The following CDH4 variants were observed in gnomAD, a reference collection of about 807,000 sequenced individuals.
CDH4 encodes the protein cadherin 4.
A neutral mutation model predicts 86.0 loss-of-function variants in CDH4; 33 were observed. The ratio of observed to expected loss-of-function variants is 0.38; its 90% CI spans 0.29 to 0.51. The LOEUF is 0.51. Ranked by LOEUF, CDH4 falls within the 20% of genes least tolerant of loss-of-function variation. The probability of loss-of-function intolerance (pLI) is 0.86; values close to 1 mark genes in which losing one functional copy is unlikely to be tolerated. For synonymous variants in CDH4, 555 were observed against 549.4 expected, an observed-to-expected ratio of 1.01 and a Z score of -0.14; for missense variants, 1,114 against 1,307.4, an observed-to-expected ratio of 0.85 and a Z score of 2.28.
intron 2 of CDH4, among the ~76,000 whole-genome samples, chr20:61,694,555 C>T (rs879306929): frequency 2.0e-5 from 3 of 152,162 alleles, no homozygotes; most frequent in Non-Finnish European, 2.9e-5. Context: ...GGAGGCTGTG[C>T]ACCTTGGGGA....
intron 9 of CDH4, among the ~76,000 whole-genome samples, chr20:61,922,289 G>A (rs749068362): frequency 6.6e-6 from 1 of 152,136 alleles, no homozygotes; most frequent in East Asian, 1.9e-4. Flanking sequence ...ACGTCTCAGG[G>A]CCCCAAGCTT....
At chr20:61,767,910 T>A (rs548831345) in intron 3 of CDH4, among the ~76,000 whole-genome samples, 1 of 152,180 alleles carries the variant, frequency 6.6e-6, no homozygotes, top group East Asian at 1.9e-4. Flanking sequence ...TCCTGCAGGC[T>A]GCAGCAGCTC....
chr20:61,900,112 G>C (rs886193206), intron 8 of CDH4, among the ~76,000 whole-genome samples: 5 of 152,180 alleles, frequency 3.3e-5, no homozygotes, highest in Non-Finnish European at 5.9e-5. Flanking sequence ...AGCCTCAGCG[G>C]GGGGGACTGG....
chr20:61,913,523 C>A (rs904893051), intron 9 of CDH4, among the ~76,000 whole-genome samples: 4 of 152,252 alleles, frequency 2.6e-5, no homozygotes, highest in Non-Finnish European at 5.9e-5. Context: ...CCCACGGAGC[C>A]CTCTTCTGTT....
In CDH4 at chr20:61,582,506, G is replaced by T. The variant is rs2086437114; in HGVS notation, c.170-161057G>T. On this transcript the variant is annotated intron_variant, in intron 2 of 15. Coordinates refer to ENST00000614565, the MANE Select transcript of CDH4 (RefSeq NM_001794.5). The surrounding 1 kb of genome is among the most constrained non-coding windows in gnomAD (Gnocchi z 4.2). Reference sequence around the variant, plus strand: ...CTGGAATGTTCCAACCTGGTTTCTGGGCACCAGCAGTTCCCTTTGGCCTGT... The same window carrying T: ...CTGGAATGTTCCAACCTGGTTTCTGTGCACCAGCAGTTCCCTTTGGCCTGT... Among the ~76,000 whole-genome samples the T allele has an allele frequency of 6.6e-6, 1 of 152,150 alleles. No homozygotes were observed. Among genetic ancestry groups the T allele is most frequent in the South Asian group, 2.1e-4 (1 of 4,818 alleles).
At chr20:61,368,256 A>G (rs1445791954) in intron 2 of CDH4, among the ~76,000 whole-genome samples, 1 of 152,118 alleles carries the variant, frequency 6.6e-6, no homozygotes, top group Non-Finnish European at 1.5e-5. Context: ...CTGTGCTCTG[A>G]GTGTTTTATG....
chr20:61,862,073 G>A (rs1266734194), intron 6 of CDH4, among the ~76,000 whole-genome samples: 2 of 152,166 alleles, frequency 1.3e-5, no homozygotes, highest in African/African-American at 2.4e-5. Flanking sequence ...CCAGGGCGCT[G>A]TCCCCCACGC....
chr20:61,734,196 G>A lies in CDH4; in HGVS notation c.170-9367G>A, dbSNP rs148861621. ...CTGCCGTGCACGCGTGAGACTGGGGGCTGGGGGGAGATGTGAAGTCACACA... is the reference window on the plus strand; with the variant it reads ...CTGCCGTGCACGCGTGAGACTGGGGACTGGGGGGAGATGTGAAGTCACACA... On this transcript the variant is annotated intron_variant, in intron 2 of 15. Transcript: ENST00000614565. Among the ~76,000 whole-genome samples the A allele has an allele frequency of 7.5e-3, 1,139 of 152,358 alleles. 16 individuals are homozygous for A. Among genetic ancestry groups the A allele is most frequent in the African/African-American group, 0.026 (1,088 of 41,584 alleles).
In CDH4 at chr20:61,326,730, C is replaced by A. The variant is rs556789443; in HGVS notation, c.169+71793C>A. 1.9e-4 allele frequency among the ~76,000 whole-genome samples: 29 copies of A among 152,252 alleles called. No individual in the cohort carries two copies. In the East Asian group the frequency reaches 4.4e-3, roughly 23 times the overall value. On this transcript the variant is annotated intron_variant, in intron 2 of 15. Coordinates refer to ENST00000614565, the MANE Select transcript of CDH4 (RefSeq NM_001794.5). The stretch of plus-strand genomic sequence containing the variant: ...TCCACAGGACACAGCCTCTCCCACA[C>A]CAGGTCACATCAATTGGTATCAAAA...
intron 4 of CDH4, among the ~76,000 whole-genome samples, chr20:61,799,727 C>T (rs1568822723): frequency 2.0e-5 from 3 of 152,208 alleles, no homozygotes; most frequent in Admixed American, 6.5e-5. Flanking sequence ...CCTTCAAGCC[C>T]CTCCCAGGGT....
At chr20:61,683,075 C>T (rs1401587654) in intron 2 of CDH4, among the ~76,000 whole-genome samples, 9 of 151,926 alleles carry the variant, frequency 5.9e-5, no homozygotes, top group African/African-American at 1.2e-4. Flanking sequence ...GTCACCATGC[C>T]GGGGCCTGGC....
chr20:61,309,954 G>T (rs1195020005), intron 2 of CDH4, among the ~76,000 whole-genome samples: 1 of 152,182 alleles, frequency 6.6e-6, no homozygotes, highest in Non-Finnish European at 1.5e-5. Flanking sequence ...AGCTAGGGTG[G>T]CCTCTCCATT....
chr20:61,290,821 G>A (rs915032578), intron 2 of CDH4, among the ~76,000 whole-genome samples: 2 of 152,286 alleles, frequency 1.3e-5, no homozygotes, highest in Admixed American at 1.3e-4. Context: ...ACAGAAAGGA[G>A]CCTTAATAAC....
intron 2 of CDH4, among the ~76,000 whole-genome samples, chr20:61,579,470 A>G (rs1471316422): frequency 1.3e-5 from 2 of 151,946 alleles, no homozygotes; most frequent in Non-Finnish European, 2.9e-5. Flanking sequence ...TATTTTTAGT[A>G]GAGGCAGGGT....
In CDH4 at chr20:61,438,713, A is replaced by G. The variant is rs1396054599; in HGVS notation, c.169+183776A>G. 4.6e-5 allele frequency among the ~76,000 whole-genome samples: 7 copies of G among 152,216 alleles called. No individual in the cohort carries two copies. In the East Asian group the frequency reaches 1.4e-3, roughly 29 times the overall value. On this transcript the variant is annotated intron_variant, in intron 2 of 15. Coordinates refer to ENST00000614565, the MANE Select transcript of CDH4 (RefSeq NM_001794.5). ...CATATTCTGTACTTCCAAAAAAAAT[A>G]TTGGTCAAAACTTTGCCATCCTGTG...
At chr20:61,401,824 C>G (rs2085051096) in intron 2 of CDH4, among the ~76,000 whole-genome samples, 1 of 152,186 alleles carries the variant, frequency 6.6e-6, no homozygotes, top group Non-Finnish European at 1.5e-5. Context: ...GAAGGGTCAG[C>G]CCTGCAGTCA....
intron 4 of CDH4, among the ~76,000 whole-genome samples, chr20:61,791,023 G>A (rs528375607): frequency 6.6e-6 from 1 of 152,172 alleles, no homozygotes; most frequent in Non-Finnish European, 1.5e-5. Flanking sequence ...AGGCCCCTAA[G>A]CCAGAACTCT....
intron 2 of CDH4, among the ~76,000 whole-genome samples, chr20:61,446,250 A>G (rs2085349723): frequency 6.6e-6 from 1 of 152,232 alleles, no homozygotes; most frequent in Non-Finnish European, 1.5e-5. Context: ...ATTTTCTTAT[A>G]AACTTATTTC....
intron 2 of CDH4, among the ~76,000 whole-genome samples, chr20:61,483,844 T>A (rs147056033): frequency 6.6e-6 from 1 of 152,248 alleles, no homozygotes; most frequent in East Asian, 1.9e-4. Flanking sequence ...CACAGATTTA[T>A]GAATTTTGGA....
Sources: allele counts gnomAD v4.1 joint callset (sites outside exome capture counted in the v4.1 genomes callset), GRCh38; gene constraint gnomAD v4.1.1; non-coding constraint Gnocchi (gnomAD v3.1); transcripts MANE v1.5; gene names NCBI Gene and HGNC (gene_info 2026-07-23, HGNC 2026-07-21).